The following DLC1 variants were observed in gnomAD, a reference collection of about 807,000 sequenced individuals.
The protein encoded by DLC1 is DLC1 Rho GTPase activating protein, also known as rho GTPase-activating protein 7.
In DLC1, 54 loss-of-function variants were observed where a neutral mutation model predicts 140.3. That is an observed-to-expected ratio of 0.38 (90% CI 0.31 to 0.48). DLC1 has a LOEUF of 0.48. DLC1 is among the 20% of genes least tolerant of loss of function. The pLI, the probability that DLC1 is intolerant of heterozygous loss-of-function variation, is 0.96. For synonymous variants in DLC1, 986 were observed against 728.1 expected (o/e 1.35, Z -5.70); for missense variants, 2,536 against 1,907.0 (o/e 1.33, Z -6.14).
intron 1 of DLC1, among the ~76,000 whole-genome samples, chr8:13,578,622 C>T (rs1222394804): frequency 6.6e-6 from 1 of 152,140 alleles, no homozygotes; most frequent in Non-Finnish European, 1.5e-5. Context: ...ACCCTCTCCT[C>T]AGGTTCAATT....
chr8:13,295,935 A>ATTT (rs1456240068), intron 5 of DLC1, among the ~76,000 whole-genome samples: 2 of 85,630 alleles, frequency 2.3e-5, no homozygotes, highest in Non-Finnish European at 2.4e-5. Context: ...ATCAGATAAG[A>ATTT]TTCTTTGTTT....
intron 2 of DLC1, among the ~76,000 whole-genome samples, chr8:13,436,037 T>C (rs1011316953): frequency 3.3e-5 from 5 of 152,202 alleles, no homozygotes; most frequent in East Asian, 3.8e-4. Flanking sequence ...AATTAAGATA[T>C]GCACTTTTTA....
At chr8:13,530,186 A>G (rs575185988) in intron 1 of DLC1, among the ~76,000 whole-genome samples, 3 of 152,188 alleles carry the variant, frequency 2.0e-5, no homozygotes, top group Non-Finnish European at 4.4e-5. Context: ...CCTTCTCTGT[A>G]GTTGACCAGT....
intron 5 of DLC1, among the ~76,000 whole-genome samples, chr8:13,288,457 T>C (rs1168505899): frequency 6.6e-6 from 1 of 152,238 alleles, no homozygotes; most frequent in African/African-American, 2.4e-5. Flanking sequence ...CTCAATTGCA[T>C]CACTGTGCCT....
At chr8:13,578,271 A>C (rs537747111) in intron 1 of DLC1, among the ~76,000 whole-genome samples, 7 of 152,280 alleles carry the variant, frequency 4.6e-5, no homozygotes, top group African/African-American at 1.4e-4. Flanking sequence ...CACATGTTTC[A>C]GTGAGTCACA....
intron 4 of DLC1, among the ~76,000 whole-genome samples, chr8:13,359,898 T>C (rs997446059): frequency 6.6e-6 from 1 of 152,190 alleles, no homozygotes; most frequent in African/African-American, 2.4e-5. Flanking sequence ...AAATCATAAA[T>C]GTTCAGGATA....
chr8:13,446,812 G>C (rs1314399540), intron 2 of DLC1, among the ~76,000 whole-genome samples: 4 of 151,958 alleles, frequency 2.6e-5, no homozygotes, highest in Non-Finnish European at 5.9e-5. Flanking sequence ...CGTGGTGGTG[G>C]GTGCCTGTAA....
chr8:13,495,719 G>A (rs150120016), intron 2 of DLC1, among the ~76,000 whole-genome samples: 71 of 152,168 alleles, frequency 4.7e-4, no homozygotes, highest in African/African-American at 1.6e-3. Context: ...AAATATCATC[G>A]GAAACTAAGA....
intron 1 of DLC1, among the ~76,000 whole-genome samples, chr8:13,539,197 A>G (rs544085450): frequency 6.6e-6 from 1 of 151,830 alleles, no homozygotes; most frequent in South Asian, 2.1e-4. Context: ...GTATGTATGT[A>G]TGTATGTATG....
chr8:13,550,412 C>T (rs547540360), intron 1 of DLC1, among the ~76,000 whole-genome samples: 30 of 152,092 alleles, frequency 2.0e-4, no homozygotes, highest in Admixed American at 3.3e-4. Flanking sequence ...TATGAATTAC[C>T]CAGTCTTAAT....
chr8:13,442,342 A>C (rs1442286976), intron 2 of DLC1, among the ~76,000 whole-genome samples: 1 of 152,242 alleles, frequency 6.6e-6, no homozygotes. Context: ...ACAAAAGTCA[A>C]AATTGACAAA....
At chr8:13,450,734 T>G (rs1304357731) in intron 2 of DLC1, among the ~76,000 whole-genome samples, 1 of 151,956 alleles carries the variant, frequency 6.6e-6, no homozygotes, top group African/African-American at 2.4e-5. Flanking sequence ...AATCAAATTG[T>G]CATCCCAATG....
chr8:13,537,492 A>G (rs920878502), intron 1 of DLC1, among the ~76,000 whole-genome samples: 13 of 152,140 alleles, frequency 8.5e-5, no homozygotes, highest in African/African-American at 2.9e-4. Flanking sequence ...CTATGAATCA[A>G]TCTCAAGTCT....
At chr8:13,544,408 A>T (rs1471790920) in intron 1 of DLC1, among the ~76,000 whole-genome samples, 1 of 152,116 alleles carries the variant, frequency 6.6e-6, no homozygotes, top group African/African-American at 2.4e-5. Context: ...AATTGTTTGG[A>T]TCAATTTGGT....
At chr8:13,393,367 G>C (rs1181625951) in intron 4 of DLC1, among the ~76,000 whole-genome samples, 186 bp downstream of exon 4, 1 of 152,170 alleles carries the variant, frequency 6.6e-6, no homozygotes, top group Non-Finnish European at 1.5e-5. Flanking sequence ...TGAAGTACTT[G>C]TGTTATCATT....
Position 13,314,218 on chromosome 8 carries a change from A to C in DLC1, c.1315-8916T>G, listed in dbSNP as rs1832782432. Among the ~76,000 whole-genome samples, 4 of 125,012 alleles carry C rather than the reference A, an allele frequency of 3.2e-5. No individual in the cohort carries two copies. In the South Asian group the frequency reaches 9.5e-4, roughly 30 times the overall value. 82.0% of individuals were successfully genotyped at this position (125,012 alleles called of 152,430 possible). ...AATTATACATATAATATATAGACAT[A>C]CATATATTACACATATATTTATAAT... On this transcript the variant is annotated intron_variant, in intron 4 of 17. Coordinates refer to ENST00000276297, the MANE Select transcript of DLC1 (RefSeq NM_182643.3).
intron 5 of DLC1, among the ~76,000 whole-genome samples, chr8:13,158,002 T>C (rs912532037): frequency 6.6e-6 from 1 of 152,240 alleles, no homozygotes; most frequent in Non-Finnish European, 1.5e-5. Context: ...TGGGAATATT[T>C]CAGGGTTTGG....
At chr8:13,264,052 T>TTTTATTTATTTATTTATTTATTTATTTA (rs3065458) in intron 5 of DLC1, among the ~76,000 whole-genome samples, 31 of 143,092 alleles carry the variant, frequency 2.2e-4, no homozygotes, top group African/African-American at 2.6e-4. Flanking sequence ...ATAAGAAGCT[T>TTTTATTTATTTATTTATTTATTTATTTA]TTTATTTATT....
chr8:13,225,174 T>G (rs1188304), intron 5 of DLC1, among the ~76,000 whole-genome samples: 5,222 of 152,076 alleles, frequency 0.034, 290 homozygotes, highest in African/African-American at 0.12. Context: ...AAAGTGGGTG[T>G]GCTGCCTTTT....
Sources: gnomAD v4.1 joint callset for allele counts (sites outside exome capture counted in the v4.1 genomes callset) on GRCh38, gnomAD v4.1.1 for gene constraint, MANE v1.5 for transcripts, NCBI Gene and HGNC (gene_info 2026-07-23, HGNC 2026-07-21) for gene names.